The following CDK19 variants were observed in gnomAD, a reference collection of about 807,000 sequenced individuals.
CDK19 encodes cyclin-dependent kinase 19.
Under a neutral mutation model 68.3 loss-of-function variants are expected in CDK19, and 20 were observed. That is an observed-to-expected ratio of 0.29 (90% CI 0.21 to 0.43). The LOEUF (loss-of-function observed/expected upper bound fraction) is 0.43. Ranked by LOEUF, CDK19 falls within the 20% of genes least tolerant of loss-of-function variation. CDK19 has a pLI of 1.00. For missense variants in CDK19, 339 were observed against 623.5 expected (o/e 0.54, Z 4.86); for synonymous variants, 221 against 222.8 (o/e 0.99, Z 0.07).
chr6:110,618,993 T>C (rs985893174), intron 12 of CDK19, among the ~76,000 whole-genome samples: 1 of 152,196 alleles, frequency 6.6e-6, no homozygotes, highest in African/African-American at 2.4e-5. Context: ...TGTGAGTTGA[T>C]TTTTCAGCGA....
chr6:110,756,469 G>A (rs970845887), intron 1 of CDK19, among the ~76,000 whole-genome samples: 1 of 151,662 alleles, frequency 6.6e-6, no homozygotes, highest in East Asian at 1.9e-4. Context: ...GGCTGAGGCT[G>A]GAAGATCACT....
chr6:110,682,407 T>G (rs1772095151), intron 2 of CDK19, among the ~76,000 whole-genome samples: 2 of 152,224 alleles, frequency 1.3e-5, no homozygotes, highest in African/African-American at 4.8e-5. Context: ...AATGTTCCAA[T>G]ACTCCTAAAA....
At chr6:110,704,796 G>A (rs950488706) in intron 2 of CDK19, among the ~76,000 whole-genome samples, 1 of 152,064 alleles carries the variant, frequency 6.6e-6, no homozygotes, top group African/African-American at 2.4e-5. Flanking sequence ...TGGGATCATA[G>A]GCCAAGGCTA....
chr6:110,728,300 AAAAG>A (rs1241085298), intron 2 of CDK19, among the ~76,000 whole-genome samples: 4 of 141,738 alleles, frequency 2.8e-5, no homozygotes, highest in Admixed American at 7.0e-5. Context: ...AAAAAAAAAA[AAAAG>A]AGAGAGAGAG....
chr6:110,707,727 T>C (rs577389791), intron 2 of CDK19, among the ~76,000 whole-genome samples: 47 of 152,260 alleles, frequency 3.1e-4, no homozygotes, highest in African/African-American at 9.9e-4. Context: ...TCCCAACACT[T>C]TGGGAAGCTG....
intron 2 of CDK19, among the ~76,000 whole-genome samples, chr6:110,699,454 C>G (rs1773807675): frequency 6.7e-6 from 1 of 148,598 alleles, no homozygotes; most frequent in Admixed American, 6.7e-5. Flanking sequence ...ATGGATGAAG[C>G]TGGAGGCCAT....
At chr6:110,776,808 T>C (rs1020305809) in intron 1 of CDK19, among the ~76,000 whole-genome samples, 2 of 152,190 alleles carry the variant, frequency 1.3e-5, no homozygotes, top group African/African-American at 2.4e-5. Flanking sequence ...TTCCCATCCA[T>C]TAAAACAATA....
chr6:110,753,638 G>C (rs1778634529), intron 1 of CDK19, among the ~76,000 whole-genome samples: 1 of 151,400 alleles, frequency 6.6e-6, no homozygotes, highest in South Asian at 2.1e-4. Flanking sequence ...CTCCTGCCTT[G>C]GCCTCCCAAA....
At chr6:110,710,183 A>T (rs1392201189) in intron 2 of CDK19, among the ~76,000 whole-genome samples, 1 of 152,218 alleles carries the variant, frequency 6.6e-6, no homozygotes, top group African/African-American at 2.4e-5. Flanking sequence ...TTTATAACAA[A>T]CTAATCTTGA....
At chr6:110,706,511 T>C (rs1264737817) in intron 2 of CDK19, 2 of 142,678 alleles carry the variant, frequency 1.4e-5, no homozygotes, top group Non-Finnish European at 3.0e-5. Context: ...GCCTCCCAGG[T>C]TCATGCCATT....
intron 2 of CDK19, among the ~76,000 whole-genome samples, chr6:110,687,650 A>G (rs1170787974): frequency 6.6e-6 from 1 of 152,252 alleles, no homozygotes; most frequent in African/African-American, 2.4e-5. Flanking sequence ...TTTTATACTA[A>G]GCATTTACTA....
intron 1 of CDK19, among the ~76,000 whole-genome samples, chr6:110,746,629 G>A (rs1012436865): frequency 1.3e-5 from 2 of 152,134 alleles, no homozygotes; most frequent in African/African-American, 4.8e-5. Flanking sequence ...TAATTTCATA[G>A]TATAAGAAGC....
chr6:110,646,565 C>G, intron 4 of CDK19: 1 of 1,000,982 alleles, frequency 1.0e-6, no homozygotes. Flanking sequence ...CTGAGTACGG[C>G]CACCTGCAGG....
rs572043148 is a variant in CDK19 at position 110,793,510 on chromosome 6, G to T, written c.128+21499C>A. Among the ~76,000 whole-genome samples the T allele has an allele frequency of 2.4e-4, 37 of 152,314 alleles. 1 individual carries two copies. The South Asian group carries it at 7.7e-3, about 32-fold the overall frequency. On this transcript the variant is annotated intron_variant, in intron 1 of 12. Coordinates refer to ENST00000368911, the MANE Select transcript of CDK19 (RefSeq NM_015076.5). ...GTTGATTATGAAAAGTCTTTACACA[G>T]TGTGGGAGACAGTTATAGTTCATAA... is the stretch of plus-strand genomic sequence containing the variant.
At chr6:110,758,307 T>C (rs1184946628) in intron 1 of CDK19, among the ~76,000 whole-genome samples, 2 of 152,162 alleles carry the variant, frequency 1.3e-5, no homozygotes, top group Non-Finnish European at 2.9e-5. Flanking sequence ...GTGTCAAATG[T>C]AGAAGCAAGG....
chr6:110,807,666 G>A (rs1048430143), intron 1 of CDK19, among the ~76,000 whole-genome samples: 2 of 152,044 alleles, frequency 1.3e-5, no homozygotes, highest in Admixed American at 1.3e-4. Context: ...TTCGCTGTTG[G>A]CAAGGCTGGC....
intron 2 of CDK19, among the ~76,000 whole-genome samples, chr6:110,685,608 A>G (rs1411999659): frequency 2.6e-5 from 4 of 152,162 alleles, no homozygotes; most frequent in Admixed American, 6.5e-5. Context: ...TCCATCTCCT[A>G]TCTCTTCTAA....
intron 2 of CDK19, among the ~76,000 whole-genome samples, chr6:110,719,056 TAGAA>T (rs1368760931): frequency 2.6e-5 from 4 of 151,988 alleles, no homozygotes; most frequent in African/African-American, 4.8e-5. Context: ...ACTACTAAAT[TAGAA>T]AGAGTATAAG....
At chr6:110,784,267 A>C (rs1781043115) in intron 1 of CDK19, among the ~76,000 whole-genome samples, 1 of 152,142 alleles carries the variant, frequency 6.6e-6, no homozygotes, top group Non-Finnish European at 1.5e-5. Context: ...AATGTTAAGA[A>C]TATAAAAAGA....
Sources: allele counts gnomAD v4.1 joint callset (sites outside exome capture counted in the v4.1 genomes callset), GRCh38; gene constraint gnomAD v4.1.1; transcripts MANE v1.5; gene names NCBI Gene and HGNC (gene_info 2026-07-23, HGNC 2026-07-21).